DLC1: variants seen among roughly 807,000 people sequenced by gnomAD.
The protein encoded by DLC1 is DLC1 Rho GTPase activating protein, also known as rho GTPase-activating protein 7.
Under a neutral mutation model 140.3 loss-of-function variants are expected in DLC1, and 54 were observed. That is an observed-to-expected ratio of 0.38 (90% CI 0.31 to 0.48). The LOEUF is 0.48. Ranked by LOEUF, DLC1 falls within the 20% of genes least tolerant of loss-of-function variation. The probability of loss-of-function intolerance (pLI) is 0.96; values close to 1 mark genes in which losing one functional copy is unlikely to be tolerated. For synonymous variants in DLC1, 986 were observed against 728.1 expected, an observed-to-expected ratio of 1.35 and a Z score of -5.70; for missense variants, 2,536 against 1,907.0, an observed-to-expected ratio of 1.33 and a Z score of -6.14.
chr8:13,524,979 A>ATC (rs1203618912), intron 1 of DLC1, among the ~76,000 whole-genome samples: 2 of 152,096 alleles, frequency 1.3e-5, no homozygotes, highest in Non-Finnish European at 2.9e-5. Context: ...CCTCTTTGCC[A>ATC]TCTCTCCCTC....
chr8:13,340,852 CAG>C (rs1235490449), intron 4 of DLC1: 3 of 152,216 alleles, frequency 2.0e-5, no homozygotes, highest in Non-Finnish European at 4.4e-5. Context: ...AAAAATCTAA[CAG>C]ATATATAATT....
intron 2 of DLC1, among the ~76,000 whole-genome samples, chr8:13,425,480 AAT>A (rs1838528382): frequency 6.6e-6 from 1 of 152,186 alleles, no homozygotes; most frequent in African/African-American, 2.4e-5. Flanking sequence ...CTTCAAGACT[AAT>A]ATATGGTGAT....
intron 7 of DLC1, among the ~76,000 whole-genome samples, chr8:13,104,157 A>G (rs373125073): frequency 1.3e-5 from 2 of 152,110 alleles, no homozygotes; most frequent in Non-Finnish European, 2.9e-5. Context: ...ACGGCAAATG[A>G]TCATTTAAAG....
chr8:13,204,358 C>T (rs894259989), intron 5 of DLC1, among the ~76,000 whole-genome samples: 11 of 151,984 alleles, frequency 7.2e-5, no homozygotes, highest in African/African-American at 2.4e-4. Flanking sequence ...TGTTACTTGC[C>T]GGCCAATGTA....
rs1217433151 is a variant in DLC1, at chr8:13,499,880, G to A, written c.192C>T (p.Cys64=). 1.2e-6 allele frequency: 2 copies of A among 1,613,922 alleles called. No homozygotes were observed. The highest frequency in any genetic ancestry group is 1.7e-6 in the Non-Finnish European group (2 of 1,180,006). ...AATCTCTCAGCTCTGATCCATGACAGCAGTCAGGTAGTGAAACACACTTCT... is the reference window on the plus strand; with the variant it reads ...AATCTCTCAGCTCTGATCCATGACAACAGTCAGGTAGTGAAACACACTTCT... ...RKEKCVSLPD[C]CHGSELRDFP... is the part of the protein sequence containing the mutation. Residue 64 remains cysteine (C), a synonymous_variant, in exon 2 of 18, where the codon TGC becomes TGT. Transcript: ENST00000276297.
intron 5 of DLC1, among the ~76,000 whole-genome samples, chr8:13,163,326 G>A (rs1249204164): frequency 6.6e-6 from 1 of 152,160 alleles, no homozygotes; most frequent in Non-Finnish European, 1.5e-5. Context: ...TCAAAGTTGG[G>A]AGAAAGGAAC....
chr8:13,084,065 C>T lies in DLC1; in HGVS notation c.*1746G>A, dbSNP rs548619501. On this transcript the variant is annotated 3_prime_UTR_variant, in exon 18 of 18. Transcript: ENST00000276297. ...TGTATTTACAATAAGAAGAAAAAAG[C>T]CTTGAGGTACAAAACCCAAAAGAAT... 31 of 152,446 alleles carry T rather than the reference C, an allele frequency of 2.0e-4. No individual in the cohort carries two copies. The highest frequency in any genetic ancestry group is 3.5e-4 in the Non-Finnish European group (24 of 68,000). The allele number at this position is 152,446 out of a possible 1,614,324, so 9.4% of individuals were successfully genotyped here. A position where few individuals can be genotyped will look rare whatever the true frequency, so the allele number is the denominator to read the frequency against.
Position 13,223,994 on chromosome 8 carries a change from A to T in DLC1, c.1348+81275T>A, listed in dbSNP as rs192294987. Among the ~76,000 whole-genome samples, 23 of 152,330 alleles carry T rather than the reference A, an allele frequency of 1.5e-4. No individual in the cohort carries two copies. In the East Asian group the frequency reaches 3.7e-3, roughly 24 times the overall value. On this transcript the variant is annotated intron_variant, in intron 5 of 17. Coordinates refer to ENST00000276297, the MANE Select transcript of DLC1 (RefSeq NM_182643.3). ...TGTGTAAGAAGCTATTTCTTTTTGC[A>T]ACTATTTTACCTTAAGTTGTCAAGA...
intron 1 of DLC1, among the ~76,000 whole-genome samples, chr8:13,550,863 A>G (rs1803820821): frequency 6.6e-6 from 1 of 152,086 alleles, no homozygotes; most frequent in African/African-American, 2.4e-5. Context: ...AGTAGCCCTT[A>G]ATGGTGCTAT....
chr8:13,227,285 T>C (rs544164951), intron 5 of DLC1, among the ~76,000 whole-genome samples: 1 of 152,248 alleles, frequency 6.6e-6, no homozygotes, highest in African/African-American at 2.4e-5. Context: ...TCATTATTGC[T>C]ACTTCTCTCT....
At chr8:13,319,183 A>C (rs1832983670) in intron 4 of DLC1, among the ~76,000 whole-genome samples, 1 of 152,230 alleles carries the variant, frequency 6.6e-6, no homozygotes, top group South Asian at 2.1e-4. Context: ...TTAGAAGCAC[A>C]TCAACAAAAT....
intron 4 of DLC1, among the ~76,000 whole-genome samples, chr8:13,357,290 C>T (rs1480223408): frequency 6.6e-6 from 1 of 152,124 alleles, no homozygotes. Context: ...AAAGTCCTGC[C>T]CTGGCTCCAG....
In DLC1 at chr8:13,493,059, C is replaced by A. The variant is rs547296227; in HGVS notation, c.1023+5990G>T. ...AGGAACTTGTTATGAATTTACACAC[C>A]AACTAACCACTTGGAAATAAGTTTC... On this transcript the variant is annotated intron_variant, in intron 2 of 17. Coordinates refer to ENST00000276297, the MANE Select transcript of DLC1 (RefSeq NM_182643.3). 1.1e-4 allele frequency among the ~76,000 whole-genome samples: 16 copies of A among 152,264 alleles called. No homozygotes were observed. The East Asian group carries it at 1.5e-3, about 15-fold the overall frequency.
intron 4 of DLC1, among the ~76,000 whole-genome samples, chr8:13,352,201 G>A (rs1251213297): frequency 2.6e-5 from 4 of 151,760 alleles, no homozygotes; most frequent in African/African-American, 7.2e-5. Flanking sequence ...GCACGTGGAT[G>A]CGCTTGTTCC....
chr8:13,518,400 T>A (rs1013434904), upstream of DLC1, among the ~76,000 whole-genome samples: 1 of 152,160 alleles, frequency 6.6e-6, no homozygotes, highest in African/African-American at 2.4e-5. Flanking sequence ...TGAGCCACTG[T>A]GCCTGGCCTA....
At chr8:13,228,609 G>C (rs1330254981) in intron 5 of DLC1, among the ~76,000 whole-genome samples, 1 of 152,128 alleles carries the variant, frequency 6.6e-6, no homozygotes, top group African/African-American at 2.4e-5. Context: ...AATTAGCCCA[G>C]CATGGTGGCA....
intron 5 of DLC1, among the ~76,000 whole-genome samples, chr8:13,270,904 T>C (rs968136278): frequency 6.6e-6 from 1 of 152,146 alleles, no homozygotes; most frequent in Non-Finnish European, 1.5e-5. Flanking sequence ...GCAGAGTAGC[T>C]CATTTAATCC....
intron 3 of DLC1, among the ~76,000 whole-genome samples, chr8:13,395,936 G>T (rs552083731): frequency 1.3e-5 from 2 of 151,738 alleles, no homozygotes; most frequent in South Asian, 4.2e-4. Context: ...TCAACATCAA[G>T]TAGTCTTAAA....
In DLC1 at chr8:13,095,238, G is replaced by A. The variant is rs1189969437; in HGVS notation, c.3175C>T (p.Pro1059Ser). ...SNKHGFSWAVPKFMKRIKVPD... is the reference protein window; with the variant it reads ...SNKHGFSWAVSKFMKRIKVPD... ...ACCTTGATCCTCTTCATGAACTTGGGCACGGCCCTGTTAAAGAACACAGAG... is the reference window on the plus strand; with the variant it reads ...ACCTTGATCCTCTTCATGAACTTGGACACGGCCCTGTTAAAGAACACAGAG... Residue 1059 changes from proline to serine, a missense_variant, in exon 11 of 18, where the codon CCC becomes TCC. Pro to Ser is a moderately conservative substitution (Grantham distance 74, BLOSUM62 -1). Transcript: ENST00000276297. The A allele has an allele frequency of 1.2e-6, 2 of 1,614,224 alleles. No homozygotes were observed. Among genetic ancestry groups the A allele is most frequent in the Non-Finnish European group, 1.7e-6 (2 of 1,180,046 alleles).
Sources: allele counts gnomAD v4.1 joint callset (sites outside exome capture counted in the v4.1 genomes callset), GRCh38; gene constraint gnomAD v4.1.1; transcripts MANE v1.5; gene names NCBI Gene and HGNC (gene_info 2026-07-23, HGNC 2026-07-21).